CTNNA3: variants seen among roughly 807,000 people sequenced by gnomAD.
The protein encoded by CTNNA3 is catenin alpha-3.
Under a neutral mutation model 95.7 loss-of-function variants are expected in CTNNA3, and 76 were observed. The ratio of observed to expected loss-of-function variants is 0.79; its 90% CI spans 0.66 to 0.96. The LOEUF (loss-of-function observed/expected upper bound fraction) is 0.96, where lower values mean the gene tolerates loss of function less well. Ranked by LOEUF, CTNNA3 falls within the 40% of genes least tolerant of loss-of-function variation. CTNNA3 has a pLI of 0.00. For missense variants in CTNNA3, 1,191 were observed against 1,089.8 expected (o/e 1.09, Z -1.31); for synonymous variants, 431 against 374.4 (o/e 1.15, Z -1.74).
intron 5 of CTNNA3, among the ~76,000 whole-genome samples, chr10:67,231,873 T>C (rs1865229122): frequency 6.6e-6 from 1 of 152,184 alleles, no homozygotes; most frequent in Admixed American, 6.5e-5. Flanking sequence ...TGCAGAAGCC[T>C]CAGGAGCCGA....
intron 7 of CTNNA3, among the ~76,000 whole-genome samples, chr10:66,909,285 C>G (rs1443484058): frequency 1.3e-5 from 2 of 152,068 alleles, no homozygotes; most frequent in Non-Finnish European, 2.9e-5. Flanking sequence ...GAGGCCAAGG[C>G]AGATGGATCA....
chr10:66,566,272 T>C (rs1394475751), intron 10 of CTNNA3, among the ~76,000 whole-genome samples: 1 of 152,140 alleles, frequency 6.6e-6, no homozygotes, highest in African/African-American at 2.4e-5. Context: ...GTTGCACATA[T>C]TCAAATGCCC....
chr10:66,661,190 A>T (rs1156362382), intron 9 of CTNNA3, among the ~76,000 whole-genome samples: 1 of 152,122 alleles, frequency 6.6e-6, no homozygotes, highest in East Asian at 1.9e-4. Flanking sequence ...ATATTAGTCC[A>T]TTTTCATACT....
intron 3 of CTNNA3, among the ~76,000 whole-genome samples, chr10:67,567,596 A>G (rs1158154177): frequency 6.6e-6 from 1 of 152,098 alleles, no homozygotes; most frequent in Non-Finnish European, 1.5e-5. Context: ...TACAAAGAAA[A>G]ATCTGTATCC....
intron 7 of CTNNA3, among the ~76,000 whole-genome samples, chr10:67,024,616 A>C (rs539389038): frequency 1.3e-5 from 2 of 152,190 alleles, no homozygotes; most frequent in Non-Finnish European, 2.9e-5. Flanking sequence ...AAGAAACAAC[A>C]AAATGAGCCA....
chr10:67,052,348 C>CTCTCTCTT (rs1554906455), intron 7 of CTNNA3, among the ~76,000 whole-genome samples: 16 of 134,360 alleles, frequency 1.2e-4, no homozygotes, highest in Middle Eastern at 3.7e-3. Flanking sequence ...CTCTCTCTCT[C>CTCTCTCTT]TCTCTCATTA....
intron 7 of CTNNA3, among the ~76,000 whole-genome samples, chr10:67,114,077 CAAA>C (rs11454339): frequency 7.3e-6 from 1 of 136,244 alleles, no homozygotes; most frequent in Non-Finnish European, 1.6e-5. Context: ...GGGGAGAACT[CAAA>C]AAAAAAAATT....
At chr10:66,226,789 TC>T (rs1205622797) in intron 13 of CTNNA3, among the ~76,000 whole-genome samples, 1 of 151,452 alleles carries the variant, frequency 6.6e-6, no homozygotes, top group Non-Finnish European at 1.5e-5. Flanking sequence ...TTGAATTTAT[TC>T]TTAGGTATTT....
intron 15 of CTNNA3, among the ~76,000 whole-genome samples, chr10:66,020,942 G>A (rs111897861): frequency 0.024 from 3,593 of 152,010 alleles, 141 homozygotes; most frequent in African/African-American, 0.082. Context: ...CAAATTGCTG[G>A]GATTACACAC....
intron 5 of CTNNA3, among the ~76,000 whole-genome samples, chr10:67,347,181 C>T (rs1182365952): frequency 6.6e-6 from 1 of 151,860 alleles, no homozygotes; most frequent in Non-Finnish European, 1.5e-5. Context: ...TCCCAAGTAG[C>T]TGGGACTATG....
intron 5 of CTNNA3, among the ~76,000 whole-genome samples, chr10:67,224,120 A>C (rs574191810): frequency 2.0e-5 from 3 of 152,302 alleles, no homozygotes; most frequent in African/African-American, 7.2e-5. Context: ...TGTAAGATCT[A>C]TTCTCTTAGC....
intron 13 of CTNNA3, among the ~76,000 whole-genome samples, chr10:66,155,221 G>T (rs758200318): frequency 6.6e-6 from 1 of 151,644 alleles, no homozygotes; most frequent in African/African-American, 2.4e-5. Context: ...CATCTTAAAG[G>T]CAACTTAACT....
At chr10:66,151,318 C>G (rs191481846) in intron 13 of CTNNA3, among the ~76,000 whole-genome samples, 2 of 152,000 alleles carry the variant, frequency 1.3e-5, no homozygotes, top group Admixed American at 1.3e-4. Flanking sequence ...AAGAAGCTCA[C>G]ATCTGACATA....
rs115691759 is a variant in CTNNA3 at position 66,514,146 on chromosome 10, T to A, written c.1531+6471A>T. 7.9e-3 allele frequency among the ~76,000 whole-genome samples: 1,199 copies of A among 152,314 alleles called. 25 individuals are homozygous for A. The highest frequency in any genetic ancestry group is 0.028 in the African/African-American group (1,151 of 41,560). The stretch of plus-strand genomic sequence containing the variant: ...AGTTATTTTTTCATAATTTGAAGAT[T>A]TTTTAAAATATTAATCCTGGGGCCA... On this transcript the variant is annotated intron_variant, in intron 11 of 17. Transcript: ENST00000433211.
At chr10:65,929,629 C>T (rs538235532) in intron 17 of CTNNA3, among the ~76,000 whole-genome samples, 272 of 149,748 alleles carry the variant, frequency 1.8e-3, no homozygotes, top group African/African-American at 5.7e-3. Context: ...AGTACAGTGG[C>T]GCAATCTCGG....
chr10:65,930,596 A>C (rs140433144), intron 17 of CTNNA3, among the ~76,000 whole-genome samples: 1 of 152,152 alleles, frequency 6.6e-6, no homozygotes, highest in Admixed American at 6.6e-5. Context: ...TCGTGATTTC[A>C]TTCTTAAAAT....
At chr10:67,337,317 C>G (rs986853832) in intron 5 of CTNNA3, among the ~76,000 whole-genome samples, 3 of 152,062 alleles carry the variant, frequency 2.0e-5, no homozygotes, top group African/African-American at 4.8e-5. Context: ...AGAGAAATAG[C>G]AAGAGAACTG....
intron 5 of CTNNA3, among the ~76,000 whole-genome samples, chr10:67,422,976 TA>T (rs1448566963): frequency 2.0e-5 from 3 of 152,196 alleles, no homozygotes; most frequent in African/African-American, 7.2e-5. Flanking sequence ...ATCTTTTAAA[TA>T]GAGGTGATTT....
chr10:67,255,433 G>T (rs1047788405), intron 5 of CTNNA3, among the ~76,000 whole-genome samples: 6 of 152,016 alleles, frequency 3.9e-5, no homozygotes, highest in African/African-American at 1.4e-4. Flanking sequence ...CACAACTTAA[G>T]ATTCCAACAA....
Sources: allele counts gnomAD v4.1 joint callset (sites outside exome capture counted in the v4.1 genomes callset), GRCh38; gene constraint gnomAD v4.1.1; transcripts MANE v1.5; gene names NCBI Gene and HGNC (gene_info 2026-07-23, HGNC 2026-07-21).